CTH: variants seen among roughly 807,000 people sequenced by gnomAD.
CTH encodes the protein cystathionase (cystathionine gamma-lyase).
In CTH, 41 loss-of-function variants were observed where a neutral mutation model predicts 50.6. The observed-to-expected ratio is 0.81, with a 90% CI of 0.63 to 1.05. CTH has a LOEUF of 1.05. Ranked by LOEUF, CTH falls within the 50% of genes least tolerant of loss-of-function variation. The probability of loss-of-function intolerance (pLI) is 0.00; values close to 1 mark genes in which losing one functional copy is unlikely to be tolerated. For synonymous variants in CTH, 156 were observed against 168.9 expected (o/e 0.92, Z 0.59); for missense variants, 470 against 492.6 (o/e 0.95, Z 0.43).
chr1:70,420,972 T>C (rs4650049), intron 3 of CTH, among the ~76,000 whole-genome samples: 32,163 of 152,008 alleles, frequency 0.21, 4,310 homozygotes, highest in Non-Finnish European at 0.3. Flanking sequence ...ATATCAATTT[T>C]TTCTTTAAGT....
At chr1:70,438,900 T>G (rs1684659584) in intron 11 of CTH, 74 bp downstream of exon 11, 6 of 1,606,376 alleles carry the variant, frequency 3.7e-6, no homozygotes, top group Middle Eastern at 1.7e-4. Context: ...GGGGTCACTA[T>G]ATTTACAAAG....
chr1:70,430,077 T>C (rs1247369666), intron 6 of CTH, among the ~76,000 whole-genome samples: 1 of 152,238 alleles, frequency 6.6e-6, no homozygotes, highest in Non-Finnish European at 1.5e-5. Flanking sequence ...AAAGTTATGC[T>C]TTTATCTTGC....
intron 7 of CTH, 93 bp downstream of exon 7, chr1:70,430,487 C>A: frequency 1.4e-6 from 1 of 695,634 alleles, no homozygotes; most frequent in Non-Finnish European, 2.6e-6. Context: ...TGATGGCATT[C>A]TAATAATTTA....
intron 7 of CTH, among the ~76,000 whole-genome samples, chr1:70,430,724 G>T (rs986529346): frequency 1.3e-5 from 2 of 151,400 alleles, no homozygotes; most frequent in African/African-American, 4.8e-5. Context: ...TATATTTTTA[G>T]TAGAGACGGG....
chr1:70,437,227 C>T (rs1168010764), intron 10 of CTH, among the ~76,000 whole-genome samples: 1 of 152,140 alleles, frequency 6.6e-6, no homozygotes, highest in Admixed American at 6.5e-5. Context: ...GGAAAAAAAT[C>T]CCTAAGCTAA....
chr1:70,411,385 C>G lies in CTH; in HGVS notation c.-31C>G, dbSNP rs370942661. The stretch of plus-strand genomic sequence containing the variant: ...TTCGACTGGTTATATCTTCGGTGTT[C>G]TTTTCCTCTCTTCTTCTTTCGCGGT... On this transcript the variant is annotated 5_prime_UTR_variant, in exon 1 of 12. Coordinates refer to ENST00000370938, the MANE Select transcript of CTH (RefSeq NM_001902.6). 3.1e-6 allele frequency: 5 copies of G among 1,612,988 alleles called. No individual in the cohort carries two copies. The South Asian group carries it at 5.5e-5, about 18-fold the overall frequency.
intron 1 of CTH, among the ~76,000 whole-genome samples, chr1:70,413,275 T>A (rs6657511): frequency 1.2e-4 from 18 of 148,780 alleles, no homozygotes; most frequent in African/African-American, 3.4e-4. Context: ...TTTTTTTTTT[T>A]ATTTTTCAGA....
At position 70,439,128 on chromosome 1, in the gene CTH, T is replaced by G; in HGVS notation, c.*1T>G. On this transcript the variant is annotated 3_prime_UTR_variant, in exon 12 of 12. Transcript: ENST00000370938. ...CCCTCCAAGTGGAAGTCACAGCTAG[T>G]ATTCCAGAGCTGCTATTAGAAGCTG... 1 of 1,611,346 alleles carries G rather than the reference T, an allele frequency of 6.2e-7. No homozygotes were observed. Among genetic ancestry groups the G allele is most frequent in the Non-Finnish European group, 8.5e-7 (1 of 1,177,470 alleles).
chr1:70,428,258 G>A (rs941845142), intron 5 of CTH, among the ~76,000 whole-genome samples: 23 of 152,122 alleles, frequency 1.5e-4, no homozygotes, highest in African/African-American at 4.8e-5. Context: ...GAGGACAGAG[G>A]ATGGTCAATG....
At chr1:70,417,493 C>T (rs1684119098) in intron 2 of CTH, among the ~76,000 whole-genome samples, 1 of 152,102 alleles carries the variant, frequency 6.6e-6, no homozygotes, top group South Asian at 2.1e-4. Flanking sequence ...CCCTGTTGGC[C>T]AGGCTGGTCA....
intron 2 of CTH, among the ~76,000 whole-genome samples, chr1:70,417,212 A>T (rs2101730886): frequency 6.6e-6 from 1 of 152,168 alleles, no homozygotes; most frequent in Admixed American, 6.5e-5. Flanking sequence ...TAAAATATTT[A>T]CTGAATTGCA....
At chr1:70,424,842 T>G (rs945610053) in intron 5 of CTH, among the ~76,000 whole-genome samples, 1 of 151,680 alleles carries the variant, frequency 6.6e-6, no homozygotes. Flanking sequence ...GGCAGGAGAA[T>G]GGCATGAACC....
rs745847430 is a variant in CTH at position 70,429,774 on chromosome 1, T to TA, written c.589-14dup. The TA allele has an allele frequency of 8.8e-6, 14 of 1,591,734 alleles. No individual in the cohort carries two copies. The highest frequency in any genetic ancestry group is 2.7e-5 in the African/African-American group (2 of 74,446). ...TTTTCAAATTGTTTCTCATTTAAAG[T>TA]AAAAAACTTGTTCTTTCAGCGCCCT... On this transcript the variant is annotated intron_variant, in intron 5 of 11. Transcript: ENST00000370938.
chr1:70,418,501 C>T (rs1684144238), intron 3 of CTH, among the ~76,000 whole-genome samples: 1 of 152,174 alleles, frequency 6.6e-6, no homozygotes, highest in Non-Finnish European at 1.5e-5. Context: ...CCTCCCTCTC[C>T]AGCCTCCCAA....
rs760134644 is a variant in CTH at position 70,411,372 on chromosome 1, T to C, written c.-44T>C. 53 of 1,610,456 alleles carry C rather than the reference T, an allele frequency of 3.3e-5. No individual in the cohort carries two copies. The highest frequency in any genetic ancestry group is 4.5e-5 in the Non-Finnish European group (53 of 1,176,796). ...CCGGACACCCGGCTTCGACTGGTTA[T>C]ATCTTCGGTGTTCTTTTCCTCTCTT... On this transcript the variant is annotated 5_prime_UTR_variant, in exon 1 of 12. Coordinates refer to ENST00000370938, the MANE Select transcript of CTH (RefSeq NM_001902.6).
chr1:70,429,841 A>T lies in CTH; in HGVS notation c.636A>T (p.Lys212Asn). ...ATATTTCTATGTATTCTGCAACAAA[A>T]TACATGAATGGTAAGATGCATACTT... is the stretch of plus-strand genomic sequence containing the variant. The part of the protein sequence containing the change: ...GADISMYSAT[K>N]YMNGHSDVVM... The change falls in exon 6 of 12, where the codon AAA becomes AAT. Residue 212 changes from lysine to asparagine, a missense_variant. Physicochemically the swap from Lys to Asn is moderately conservative, Grantham distance 94. Coordinates refer to ENST00000370938, the MANE Select transcript of CTH (RefSeq NM_001902.6). 1 of 1,611,552 alleles carries T rather than the reference A, an allele frequency of 6.2e-7. No individual in the cohort carries two copies. Among genetic ancestry groups the T allele is most frequent in the Non-Finnish European group, 8.5e-7 (1 of 1,177,732 alleles).
At chr1:70,412,401 T>A (rs1048646814) in intron 1 of CTH, among the ~76,000 whole-genome samples, 3 of 151,794 alleles carry the variant, frequency 2.0e-5, no homozygotes, top group African/African-American at 7.3e-5. Flanking sequence ...AGGACAGGAG[T>A]TCGAGCCCAG....
At chr1:70,413,181 C>A (rs893381208) in intron 1 of CTH, among the ~76,000 whole-genome samples, 2 of 151,950 alleles carry the variant, frequency 1.3e-5, no homozygotes, top group African/African-American at 4.8e-5. Flanking sequence ...GTTCTAAGGC[C>A]ATTTCTACAA....
rs1381663309 is a variant in CTH, at chr1:70,439,251, T to A, written c.*124T>A. ...GAAATTTTAAGGCACCTCATTATCT[T>A]TCATAACTGTAATTTTCTTAGGGAT... On this transcript the variant is annotated 3_prime_UTR_variant, in exon 12 of 12. Transcript: ENST00000370938. The A allele has an allele frequency of 1.2e-6, 1 of 844,276 alleles. No homozygotes were observed. Among genetic ancestry groups the A allele is most frequent in the African/African-American group, 1.7e-5 (1 of 59,730 alleles). 52.3% of individuals were successfully genotyped at this position (844,276 alleles called of 1,614,324 possible).
Sources: gnomAD v4.1 joint callset for allele counts (sites outside exome capture counted in the v4.1 genomes callset) on GRCh38, gnomAD v4.1.1 for gene constraint, MANE v1.5 for transcripts, NCBI Gene and HGNC (gene_info 2026-07-23, HGNC 2026-07-21) for gene names.